Variants in SPATA13 observed in about 807,000 individuals in gnomAD.
The protein encoded by SPATA13 is spermatogenesis associated 13.
Under a neutral mutation model 104.0 loss-of-function variants are expected in SPATA13, and 50 were observed. That is an observed-to-expected ratio of 0.48 (90% CI 0.38 to 0.61). The LOEUF (loss-of-function observed/expected upper bound fraction) is 0.61. Among genes scored for constraint, SPATA13 ranks in the 20% least tolerant of loss-of-function variants. The pLI is 0.00. For missense variants in SPATA13, 1,524 were observed against 1,690.6 expected (o/e 0.90, Z 1.73); for synonymous variants, 606 against 667.5 (o/e 0.91, Z 1.42).
At chr13:24,101,487 T>TG (rs2137802114) in intron 3 of SPATA13, among the ~76,000 whole-genome samples, 1 of 129,242 alleles carries the variant, frequency 7.7e-6, no homozygotes, top group Admixed American at 7.5e-5. Flanking sequence ...TAAATTGTGG[T>TG]GAAAAAAAAC....
chr13:24,066,976 C>T (rs1035003089), intron 3 of SPATA13, among the ~76,000 whole-genome samples: 2 of 152,190 alleles, frequency 1.3e-5, no homozygotes, highest in Non-Finnish European at 2.9e-5. Context: ...CTTCTGTTAA[C>T]CTCACAGTTT....
intron 2 of SPATA13, chr13:24,017,523 G>C (rs1399773058): frequency 5.6e-6 from 1 of 179,844 alleles, no homozygotes; most frequent in Non-Finnish European, 1.1e-5. Context: ...GTATATGTAA[G>C]ATATACACAC....
rs563072712 is a variant in SPATA13, at chr13:24,272,258, C to T, written c.2165-11877C>T. ...ACAGGGGAGGCCGAGGGAAGCCCGA[C>T]CCAGCCTCCAGCTCTGAGCGGTGCT... On this transcript the variant is annotated intron_variant, in intron 4 of 12. Transcript: ENST00000382108. 3.9e-5 allele frequency among the ~76,000 whole-genome samples: 6 copies of T among 152,270 alleles called. No homozygotes were observed. In the South Asian group the frequency reaches 1.2e-3, roughly 32 times the overall value.
At chr13:24,108,664 G>T (rs1013938512) in intron 3 of SPATA13, among the ~76,000 whole-genome samples, 10 of 145,562 alleles carry the variant, frequency 6.9e-5, no homozygotes, top group Non-Finnish European at 1.1e-4. Flanking sequence ...CATGGTAGGG[G>T]GGGGGAAGCC....
intron 2 of SPATA13, among the ~76,000 whole-genome samples, chr13:24,004,164 C>T (rs925686591): frequency 2.0e-5 from 3 of 152,102 alleles, no homozygotes; most frequent in African/African-American, 7.2e-5. Flanking sequence ...AAAAAATCTC[C>T]AAAGCATCAT....
At chr13:24,256,352 A>G (rs916325911) in intron 4 of SPATA13, among the ~76,000 whole-genome samples, 1 of 152,218 alleles carries the variant, frequency 6.6e-6, no homozygotes, top group African/African-American at 2.4e-5. Context: ...TCTTAATACA[A>G]ATAAATGATA....
At chr13:24,027,411 G>A (rs1877278560) in intron 3 of SPATA13, among the ~76,000 whole-genome samples, 1 of 152,056 alleles carries the variant, frequency 6.6e-6, no homozygotes, top group African/African-American at 2.4e-5. Context: ...GGGATTACAG[G>A]CGTGAGCCAC....
intron 1 of SPATA13, among the ~76,000 whole-genome samples, chr13:24,174,395 T>C (rs1184372047): frequency 2.0e-5 from 3 of 151,962 alleles, no homozygotes; most frequent in Non-Finnish European, 2.9e-5. Context: ...GCTTTTTTTT[T>C]CTAGATTTTT....
chr13:24,059,277 G>A (rs1456760016), intron 3 of SPATA13, among the ~76,000 whole-genome samples: 2 of 151,708 alleles, frequency 1.3e-5, no homozygotes, highest in South Asian at 4.2e-4. Context: ...GGCCTGGCCT[G>A]TGTACTGTTG....
intron 3 of SPATA13, among the ~76,000 whole-genome samples, chr13:24,065,017 G>A (rs891405749): frequency 2.0e-5 from 3 of 151,370 alleles, no homozygotes; most frequent in South Asian, 2.1e-4. Context: ...GAAATGCAAC[G>A]TGACATCCTG....
chr13:24,121,116 C>T (rs571265395), intron 3 of SPATA13, among the ~76,000 whole-genome samples: 1 of 152,122 alleles, frequency 6.6e-6, no homozygotes, highest in African/African-American at 2.4e-5. Flanking sequence ...AACTTTATAT[C>T]CAATTAAATG....
intron 1 of SPATA13, among the ~76,000 whole-genome samples, chr13:24,194,156 T>G (rs1415606573): frequency 6.6e-6 from 1 of 152,190 alleles, no homozygotes. Flanking sequence ...TGAGACACCT[T>G]GTAGAACCTA....
intron 2 of SPATA13, among the ~76,000 whole-genome samples, chr13:24,000,392 T>A (rs1323615257): frequency 6.6e-6 from 1 of 151,880 alleles, no homozygotes; most frequent in African/African-American, 2.4e-5. Context: ...GGGAGCCCAG[T>A]GAAAGACAGT....
chr13:24,265,833 G>T (rs1874273975), intron 4 of SPATA13, among the ~76,000 whole-genome samples: 4 of 152,090 alleles, frequency 2.6e-5, no homozygotes, highest in Non-Finnish European at 5.9e-5. Flanking sequence ...GATGTTCCTG[G>T]GTTCTGGATA....
chr13:23,986,538 G>C (rs562810255), intron 2 of SPATA13, among the ~76,000 whole-genome samples: 86 of 152,290 alleles, frequency 5.6e-4, no homozygotes, highest in Non-Finnish European at 8.5e-4. Flanking sequence ...CAACCCCTTG[G>C]CCTTTTATCC....
In SPATA13 at chr13:24,296,458, T is replaced by G. The variant is rs56704036; in HGVS notation, c.3211-905T>G. The stretch of plus-strand genomic sequence containing the variant: ...TAAAAGTGTGTTTTTCTTTTTGATT[T>G]TGGACGCTGACATTTAGGGGATAAT... On this transcript the variant is annotated intron_variant, in intron 10 of 12. Transcript: ENST00000382108. Among the ~76,000 whole-genome samples, 340 of 152,372 alleles carry G rather than the reference T, an allele frequency of 2.2e-3. 1 individual carries two copies. Among genetic ancestry groups the G allele is most frequent in the African/African-American group, 7.9e-3 (329 of 41,588 alleles).
intron 3 of SPATA13, among the ~76,000 whole-genome samples, chr13:24,047,367 G>A (rs1878187796): frequency 6.6e-6 from 1 of 152,236 alleles, no homozygotes; most frequent in Non-Finnish European, 1.5e-5. Flanking sequence ...CTACATGTTA[G>A]TAGAATTCAG....
At chr13:24,285,976 C>T (rs1875905939) in intron 5 of SPATA13, among the ~76,000 whole-genome samples, 1 of 152,136 alleles carries the variant, frequency 6.6e-6, no homozygotes, top group Non-Finnish European at 1.5e-5. Context: ...TCACCACGCC[C>T]AGTTTAAGCG....
intron 4 of SPATA13, among the ~76,000 whole-genome samples, chr13:24,273,334 C>G (rs1230766328): frequency 6.6e-6 from 1 of 152,104 alleles, no homozygotes; most frequent in Non-Finnish European, 1.5e-5. Context: ...TGATGTGAAG[C>G]TATACATTAA....
Sources: allele counts gnomAD v4.1 joint callset (sites outside exome capture counted in the v4.1 genomes callset), GRCh38; gene constraint gnomAD v4.1.1; transcripts MANE v1.5; gene names NCBI Gene and HGNC (gene_info 2026-07-23, HGNC 2026-07-21).